Variants in ERICH3 observed in about 807,000 individuals in gnomAD.
The protein encoded by ERICH3 is glutamate rich 3, also known as glutamate-rich protein 3.
ERICH3 carries 126 observed loss-of-function variants against 131.1 expected under a neutral mutation model. The observed-to-expected ratio is 0.96, with a 90% CI of 0.83 to 1.11. The LOEUF is 1.11. Ranked by LOEUF, ERICH3 falls within the 50% of genes most tolerant of loss-of-function variation. ERICH3 has a pLI of 0.00. For missense variants in ERICH3, 2,050 were observed against 1,810.7 expected (o/e 1.13, Z -2.40); for synonymous variants, 695 against 644.6 (o/e 1.08, Z -1.18).
At chr1:74,645,174 C>T (rs1165261816) in intron 3 of ERICH3, among the ~76,000 whole-genome samples, 2 of 151,874 alleles carry the variant, frequency 1.3e-5, no homozygotes, top group African/African-American at 2.4e-5. Context: ...CTATTCGTTC[C>T]TCTCTTCTAG....
At chr1:74,636,925 T>A (rs1646394988) in intron 5 of ERICH3, among the ~76,000 whole-genome samples, 1 of 152,184 alleles carries the variant, frequency 6.6e-6, no homozygotes, top group African/African-American at 2.4e-5. Context: ...ACAGTATAAT[T>A]CAAACAAAAG....
intron 12 of ERICH3, chr1:74,586,643 A>ACTTT: frequency 2.6e-6 from 1 of 378,004 alleles, no homozygotes; most frequent in Non-Finnish European, 3.6e-6. Flanking sequence ...TAATCTTAGT[A>ACTTT]ATAAGACACT....
chr1:74,640,730 A>T (rs1330595622), intron 5 of ERICH3, among the ~76,000 whole-genome samples: 1 of 152,170 alleles, frequency 6.6e-6, no homozygotes, highest in African/African-American at 2.4e-5. Flanking sequence ...GTTTCTTCAG[A>T]TAGAATTTCT....
chr1:74,651,276 A>G (rs1647039119), intron 1 of ERICH3, among the ~76,000 whole-genome samples: 1 of 152,096 alleles, frequency 6.6e-6, no homozygotes, highest in African/African-American at 2.4e-5. Flanking sequence ...AGAAAAGTTT[A>G]ATTTCATCCT....
At chr1:74,587,613 C>G (rs1337355057) in intron 12 of ERICH3, among the ~76,000 whole-genome samples, 1 of 152,038 alleles carries the variant, frequency 6.6e-6, no homozygotes, top group African/African-American at 2.4e-5. Context: ...TATGTATATC[C>G]TACTTTACAA....
At position 74,599,815 on chromosome 1, in the gene ERICH3, C is replaced by A; in HGVS notation, c.1606G>T (p.Asp536Tyr). 6.2e-7 allele frequency: 1 copy of A among 1,612,306 alleles called. No individual in the cohort carries two copies. Among genetic ancestry groups the A allele is most frequent in the African/African-American group, 1.3e-5 (1 of 74,876 alleles). ...IPQSPLDDKK[D>Y]NLDPEKESET... ...CTCTCTTTTTCAGGGTCTAAATTAT[C>A]TTTTTTATCATCCAAAGGTGACTGC... The change falls in exon 11 of 15, where the codon GAT (aspartate) becomes TAT (tyrosine). Residue 536 changes from aspartate (D) to tyrosine (Y), a missense_variant. Transcript: ENST00000326665.
chr1:74,582,271 A>T (rs1002077723), intron 12 of ERICH3, among the ~76,000 whole-genome samples: 1 of 152,100 alleles, frequency 6.6e-6, no homozygotes, highest in African/African-American at 2.4e-5. Flanking sequence ...TTCTATGAGG[A>T]TGCTCCTCTT....
intron 1 of ERICH3, among the ~76,000 whole-genome samples, chr1:74,670,831 G>C (rs1646735337): frequency 6.6e-6 from 1 of 152,186 alleles, no homozygotes; most frequent in African/African-American, 2.4e-5. Flanking sequence ...AAATGGACAT[G>C]CAAGTAGGAG....
intron 12 of ERICH3, chr1:74,579,563 T>C: frequency 1.0e-6 from 1 of 985,436 alleles, no homozygotes; most frequent in South Asian, 4.7e-5. Context: ...AATGGGATGC[T>C]GGCCTAAGTA....
At chr1:74,661,843 G>C (rs991820555) in intron 1 of ERICH3, among the ~76,000 whole-genome samples, 25 of 152,130 alleles carry the variant, frequency 1.6e-4, no homozygotes, top group Non-Finnish European at 1.8e-4. Context: ...GGAATTTAAA[G>C]CTACATCCTT....
intron 3 of ERICH3, among the ~76,000 whole-genome samples, chr1:74,643,624 C>T (rs1179383404): frequency 6.6e-6 from 1 of 152,114 alleles, no homozygotes; most frequent in Non-Finnish European, 1.5e-5. Flanking sequence ...TTTAATTTAT[C>T]AAGCTCATAT....
chr1:74,583,358 C>A (rs151293121), intron 12 of ERICH3, among the ~76,000 whole-genome samples: 1 of 151,902 alleles, frequency 6.6e-6, no homozygotes, highest in Admixed American at 6.6e-5. Context: ...CCTATACATG[C>A]CTCCTTATAA....
At chr1:74,632,020 T>A in intron 6 of ERICH3, 92 bp from the exon 7 acceptor site, 1 of 1,164,098 alleles carries the variant, frequency 8.6e-7, no homozygotes, top group Admixed American at 2.1e-5. Context: ...ATGATTGACA[T>A]TGCATGCAAA....
rs1477470374 is a variant in ERICH3, at chr1:74,649,249, T to C, written c.90A>G (p.Ile30Met). 6.2e-7 allele frequency: 1 copy of C among 1,612,172 alleles called. No homozygotes were observed. The highest frequency in any genetic ancestry group is 8.5e-7 in the Non-Finnish European group (1 of 1,178,924). The change falls in exon 2 of 15, where the codon ATA (isoleucine) becomes ATG (methionine). Residue 30 changes from isoleucine to methionine, a missense_variant. Coordinates refer to ENST00000326665, the MANE Select transcript of ERICH3 (RefSeq NM_001002912.5). ...GTCCTGATCTTAAGAGATGACGCCT[T>C]ATCCTTGTATTGTTAAAATACCCAG... is the stretch of plus-strand genomic sequence containing the variant. ...HLAGYFNNTR[I>M]RRHLLRSGLI... is the part of the protein sequence containing the mutation.
At chr1:74,605,683 A>T (rs1448202175) in intron 10 of ERICH3, among the ~76,000 whole-genome samples, 1 of 151,736 alleles carries the variant, frequency 6.6e-6, no homozygotes, top group Non-Finnish European at 1.5e-5. Context: ...CAGAAAATTG[A>T]TTAACTTCAC....
At chr1:74,591,162 T>A (rs556290111) in intron 11 of ERICH3, among the ~76,000 whole-genome samples, 7 of 152,276 alleles carry the variant, frequency 4.6e-5, no homozygotes, top group African/African-American at 1.7e-4. Flanking sequence ...AGATGGAGAT[T>A]TTATCTTATT....
chr1:74,673,455 C>G, intron 1 of ERICH3, 42 bp downstream of exon 1: 1 of 1,607,600 alleles, frequency 6.2e-7, no homozygotes, highest in Non-Finnish European at 8.5e-7. Flanking sequence ...TGGCTGAAGC[C>G]GCCACCTGCC....
At chr1:74,653,042 T>C (rs1233078501) in intron 1 of ERICH3, among the ~76,000 whole-genome samples, 1 of 151,882 alleles carries the variant, frequency 6.6e-6, no homozygotes, top group Non-Finnish European at 1.5e-5. Flanking sequence ...GTCACCGGGG[T>C]GCTACCTTCC....
chr1:74,673,497 C>T lies in ERICH3; in HGVS notation c.23G>A (p.Gly8Glu), dbSNP rs200425020. 16 of 1,613,026 alleles carry T rather than the reference C, an allele frequency of 9.9e-6. No individual in the cohort carries two copies. In the African/African-American group the frequency reaches 1.9e-4, roughly 19 times the overall value. Reference protein sequence around the residue: MSHSHPAGLLAAYNSLMD... With the variant: MSHSHPAELLAAYNSLMD... Reference sequence around the variant, plus strand: ...TGGAAAAGCTCCAGTTGTCACTTACCCAGCGGGGTGAGAATGGCTCATTTT... The same window carrying T: ...TGGAAAAGCTCCAGTTGTCACTTACTCAGCGGGGTGAGAATGGCTCATTTT... Residue 8 changes from glycine to glutamate, a missense_variant and splice_region_variant, in exon 1 of 15, where the codon GGG (glycine) becomes GAG (glutamate). Transcript: ENST00000326665.
Sources: allele counts gnomAD v4.1 joint callset (sites outside exome capture counted in the v4.1 genomes callset), GRCh38; gene constraint gnomAD v4.1.1; transcripts MANE v1.5; gene names NCBI Gene and HGNC (gene_info 2026-07-23, HGNC 2026-07-21).